Variants in ARFGEF1 observed in about 807,000 individuals in gnomAD.
ARFGEF1 encodes ARF guanine nucleotide exchange factor 1, also known as brefeldin A-inhibited guanine nucleotide-exchange protein 1.
In ARFGEF1, 42 loss-of-function variants were observed where a neutral mutation model predicts 231.0. The ratio of observed to expected loss-of-function variants is 0.18; its 90% CI spans 0.14 to 0.24. The LOEUF (loss-of-function observed/expected upper bound fraction) is 0.24, where lower values mean the gene tolerates loss of function less well. Ranked by LOEUF, ARFGEF1 falls within the 10% of genes least tolerant of loss-of-function variation. The probability of loss-of-function intolerance (pLI) is 1.00; values close to 1 mark genes in which losing one functional copy is unlikely to be tolerated. For missense variants in ARFGEF1, 1,345 were observed against 2,192.0 expected, an observed-to-expected ratio of 0.61 and a Z score of 7.72; for synonymous variants, 710 against 732.3, an observed-to-expected ratio of 0.97 and a Z score of 0.49.
chr8:67,181,338 AT>A (rs58029238), intron 5 of ARFGEF1, among the ~76,000 whole-genome samples: 9,339 of 112,640 alleles, frequency 0.083, 334 homozygotes, highest in African/African-American at 0.094. Flanking sequence ...GTACCTGGCC[AT>A]TTTTTTTTTT....
In ARFGEF1 at chr8:67,343,335, G is replaced by A; in HGVS notation, c.-48C>T. ...GCTCGTCCGACCCGCGGCTCCCAGC[G>A]GCTGGAGGGGAGGAGGAGGAGAGGA... On this transcript the variant is annotated 5_prime_UTR_variant, in exon 1 of 39. Transcript: ENST00000262215. 2 of 1,606,374 alleles carry A rather than the reference G, an allele frequency of 1.2e-6. No individual in the cohort carries two copies. The highest frequency in any genetic ancestry group is 1.7e-6 in the Non-Finnish European group (2 of 1,175,308).
At chr8:67,304,326 A>G (rs1806639274) in intron 1 of ARFGEF1, among the ~76,000 whole-genome samples, 1 of 152,220 alleles carries the variant, frequency 6.6e-6, no homozygotes, top group African/African-American at 2.4e-5. Context: ...GATGTTCAGT[A>G]TTTCAGTTTA....
chr8:67,341,098 C>A lies in ARFGEF1; in HGVS notation c.124+2066G>T, dbSNP rs551403876. Among the ~76,000 whole-genome samples the A allele has an allele frequency of 3.4e-4, 51 of 152,222 alleles. No individual in the cohort carries two copies. In the South Asian group the frequency reaches 8.7e-3, roughly 26 times the overall value. On this transcript the variant is annotated intron_variant, in intron 1 of 38. Transcript: ENST00000262215. ...AGGCCCAGGGACTTGCCTAATACTA[C>A]AACGTAACAGAACTGGGATTTAAAC...
chr8:67,197,337 C>T (rs1838078497), downstream of ARFGEF1, among the ~76,000 whole-genome samples: 1 of 151,980 alleles, frequency 6.6e-6, no homozygotes, highest in Non-Finnish European at 1.5e-5. Flanking sequence ...GCCTACAGTC[C>T]TCACTACTGG....
chr8:67,221,830 T>A (rs1839173288), intron 29 of ARFGEF1, among the ~76,000 whole-genome samples: 1 of 151,432 alleles, frequency 6.6e-6, no homozygotes, highest in Non-Finnish European at 1.5e-5. Context: ...TCTTTTTTTT[T>A]TGAGATGGAG....
chr8:67,190,282 G>T (rs1184152487), intron 5 of ARFGEF1, among the ~76,000 whole-genome samples: 1 of 152,160 alleles, frequency 6.6e-6, no homozygotes, highest in Non-Finnish European at 1.5e-5. Context: ...CAGCATAGAT[G>T]AATCTCAAAC....
chr8:67,303,929 A>AT (rs1380100720), intron 1 of ARFGEF1, among the ~76,000 whole-genome samples: 2 of 152,176 alleles, frequency 1.3e-5, no homozygotes, highest in Non-Finnish European at 1.5e-5. Flanking sequence ...TTATATCTTC[A>AT]TTTTAAAGAC....
At chr8:67,279,725 C>T (rs1488430285) in intron 7 of ARFGEF1, among the ~76,000 whole-genome samples, 1 of 152,186 alleles carries the variant, frequency 6.6e-6, no homozygotes, top group East Asian at 1.9e-4. Flanking sequence ...GGAATAATCA[C>T]TCATTATTTC....
At chr8:67,265,266 A>T (rs1374755961) in intron 14 of ARFGEF1, among the ~76,000 whole-genome samples, 20 of 152,202 alleles carry the variant, frequency 1.3e-4, no homozygotes, top group Admixed American at 1.3e-3. Flanking sequence ...ACATTCACTA[A>T]AAGGCACTGC....
chr8:67,325,114 T>C (rs1807774544), intron 1 of ARFGEF1, among the ~76,000 whole-genome samples: 1 of 152,070 alleles, frequency 6.6e-6, no homozygotes, highest in Admixed American at 6.6e-5. Context: ...GGTTTCTCCA[T>C]GATGGTCAGG....
chr8:67,319,827 ACT>A (rs1807495606), intron 1 of ARFGEF1, among the ~76,000 whole-genome samples: 1 of 152,112 alleles, frequency 6.6e-6, no homozygotes, highest in Admixed American at 6.5e-5. Flanking sequence ...TACTTTAAAA[ACT>A]CTTAAAACTC....
rs770242580 is a variant in ARFGEF1 at position 67,259,901 on chromosome 8, T to G, written c.2149A>C (p.Ile717Leu). The G allele has an allele frequency of 4.3e-6, 7 of 1,609,880 alleles. No individual in the cohort carries two copies. In the Admixed American group the frequency reaches 8.4e-5, roughly 19 times the overall value. Residue 717 changes from isoleucine (I) to leucine (L), a missense_variant, in exon 15 of 39, where the codon ATA becomes CTA. Physicochemically the swap from Ile to Leu is conservative, Grantham distance 5. This residue lies in a region of ARFGEF1 where 105 missense variants were observed against 159.3 expected (regional missense o/e 0.66). Transcript: ENST00000262215. Reference sequence around the variant, plus strand: ...ATCCCTTGTTCTTGGAGGTACTGTATTCCTCTCTTTGGTTTCTTATTAAAT... The same window carrying G: ...ATCCCTTGTTCTTGGAGGTACTGTAGTCCTCTCTTTGGTTTCTTATTAAAT... ...DLFNKKPKRG[I>L]QYLQEQGMLG...
intron 7 of ARFGEF1, among the ~76,000 whole-genome samples, chr8:67,282,265 C>T (rs1019283189): frequency 2.0e-5 from 3 of 151,914 alleles, no homozygotes; most frequent in Non-Finnish European, 4.4e-5. Context: ...GTACAGAAAA[C>T]TCAAAAAACA....
At chr8:67,267,464 T>A in intron 10 of ARFGEF1, 22 bp from the exon 11 acceptor site, 1 of 1,434,084 alleles carries the variant, frequency 7.0e-7, no homozygotes, top group Middle Eastern at 2.0e-4. Context: ...AGAAAACTTC[T>A]GTTTAAAATA....
At chr8:67,315,350 A>G (rs762555939) in intron 1 of ARFGEF1, among the ~76,000 whole-genome samples, 2 of 152,222 alleles carry the variant, frequency 1.3e-5, no homozygotes, top group African/African-American at 4.8e-5. Flanking sequence ...TACAACTACT[A>G]GACAAAAAAA....
chr8:67,192,309 G>A (rs1322584613), intron 5 of ARFGEF1, among the ~76,000 whole-genome samples: 5 of 151,958 alleles, frequency 3.3e-5, no homozygotes, highest in East Asian at 3.9e-4. Flanking sequence ...TCCTAACCTC[G>A]GGTGATCCAC....
At chr8:67,289,568 A>G (rs1395829416) in intron 6 of ARFGEF1, among the ~76,000 whole-genome samples, 1 of 148,710 alleles carries the variant, frequency 6.7e-6, no homozygotes. Context: ...AAAAAAAAAA[A>G]AAAAAAAAGG....
intron 23 of ARFGEF1, among the ~76,000 whole-genome samples, chr8:67,229,704 A>G (rs964270331): frequency 2.0e-5 from 3 of 152,094 alleles, no homozygotes; most frequent in Non-Finnish European, 4.4e-5. Context: ...AAACTGCCAG[A>G]CTACGAATTT....
chr8:67,192,806 A>G (rs932889380), downstream of ARFGEF1, among the ~76,000 whole-genome samples: 2 of 151,724 alleles, frequency 1.3e-5, no homozygotes, highest in Non-Finnish European at 3.0e-5. Context: ...CCATAAACGT[A>G]AGGATTTATT....
Sources: gnomAD v4.1 joint callset for allele counts (sites outside exome capture counted in the v4.1 genomes callset) on GRCh38, gnomAD v4.1.1 for gene constraint, gnomAD v4.1.1 regional missense constraint, MANE v1.5 for transcripts, NCBI Gene and HGNC (gene_info 2026-07-23, HGNC 2026-07-21) for gene names.